CAMK2B: variants seen among roughly 807,000 people sequenced by gnomAD.
CAMK2B encodes the protein calcium/calmodulin-dependent protein kinase type II subunit beta.
In CAMK2B, 27 loss-of-function variants were observed where a neutral mutation model predicts 93.7. The ratio of observed to expected loss-of-function variants is 0.29; its 90% CI spans 0.21 to 0.40. CAMK2B has a LOEUF of 0.40. Among genes scored for constraint, CAMK2B ranks in the 10% least tolerant of loss-of-function variants. The pLI is 1.00. For missense variants in CAMK2B, 568 were observed against 895.8 expected, an observed-to-expected ratio of 0.63 and a Z score of 4.67; for synonymous variants, 374 against 358.8, an observed-to-expected ratio of 1.04 and a Z score of -0.48.
chr7:44,252,902 G>C (rs996018828), intron 5 of CAMK2B, among the ~76,000 whole-genome samples: 4 of 152,228 alleles, frequency 2.6e-5, no homozygotes, highest in Non-Finnish European at 5.9e-5. Context: ...GGCCTCTCCA[G>C]GCTGTTCTGC....
chr7:44,253,401 C>T (rs867593995), intron 5 of CAMK2B, among the ~76,000 whole-genome samples: 22 of 152,072 alleles, frequency 1.4e-4, no homozygotes, highest in Admixed American at 5.9e-4. Context: ...TTAGTAGAGA[C>T]GGGGTTTCTC....
At chr7:44,229,199 G>A (rs1583878481) in intron 18 of CAMK2B, 189 bp downstream of exon 18, 3 of 609,860 alleles carry the variant, frequency 4.9e-6, no homozygotes. Context: ...GTGGTCCAGG[G>A]CCCTCCTCAC....
intron 1 of CAMK2B, among the ~76,000 whole-genome samples, chr7:44,314,214 C>A (rs752268085): frequency 2.6e-5 from 4 of 152,062 alleles, no homozygotes; most frequent in Admixed American, 6.5e-5. Context: ...GTTGTATATC[C>A]ATTACCACAA....
rs762484384 is a variant in CAMK2B at position 44,258,904 on chromosome 7, G to A, written c.243C>T (p.Ser81=). 3.8e-5 allele frequency: 61 copies of A among 1,613,802 alleles called. No homozygotes were observed. Among genetic ancestry groups the A allele is most frequent in the Admixed American group, 1.7e-4 (10 of 60,010 alleles). ...SNIVRLHDSI[S]EEGFHYLVFD... ...AGACCAGGTAGTGGAAGCCCTCCTC[G>A]GAGATGCTGTCGTGGAGACGCACTG... Residue 81 remains serine (S), a synonymous_variant, in exon 4 of 24, where the codon TCC becomes TCT. Coordinates refer to ENST00000395749, the MANE Select transcript of CAMK2B (RefSeq NM_001220.5).
chr7:44,300,797 T>C (rs894460585), intron 1 of CAMK2B, among the ~76,000 whole-genome samples: 4 of 152,200 alleles, frequency 2.6e-5, no homozygotes, highest in Non-Finnish European at 5.9e-5. Context: ...CAGACATCTA[T>C]AGACTACTTC....
Position 44,224,376 on chromosome 7 carries a change from AC to A in CAMK2B, c.1597+2139del, listed in dbSNP as rs1383808238. Among the ~76,000 whole-genome samples the A allele has an allele frequency of 6.6e-6, 1 of 152,180 alleles. No individual in the cohort carries two copies. Among genetic ancestry groups the A allele is most frequent in the Non-Finnish European group, 1.5e-5 (1 of 68,014 alleles). ...GATGGAGGGAAAGGAGGGGGGCCCA[AC>A]ATGAAGAGGTGCCCGGGTCGGGAAA... On this transcript the variant is annotated intron_variant, in intron 20 of 23. Transcript: ENST00000395749. The surrounding 1 kb of genome is among the most constrained non-coding windows in gnomAD (Gnocchi z 4.4).
intron 2 of CAMK2B, among the ~76,000 whole-genome samples, chr7:44,270,348 TG>T (rs1479950950): frequency 1.3e-5 from 2 of 152,162 alleles, no homozygotes; most frequent in African/African-American, 4.8e-5. Flanking sequence ...AGCTGTGTAC[TG>T]TGCCAGCGTC....
At chr7:44,222,558 C>T (rs1385228402) in intron 20 of CAMK2B, among the ~76,000 whole-genome samples, 2 of 152,102 alleles carry the variant, frequency 1.3e-5, no homozygotes, top group Non-Finnish European at 2.9e-5. Context: ...GCCTCAGCCT[C>T]CCGAGTAGCT....
intron 6 of CAMK2B, among the ~76,000 whole-genome samples, chr7:44,243,899 G>C (rs568673555): frequency 1.5e-3 from 223 of 152,326 alleles, no homozygotes; most frequent in Middle Eastern, 3.4e-3. Context: ...ACAGCCCTGG[G>C]GCAGACTGTG....
Position 44,304,595 on chromosome 7 carries a change from T to C in CAMK2B, c.66-20370A>G, listed in dbSNP as rs930685328. ...AGACCAGTGACTGGCAGGGGTTGGG[T>C]GGAGGGAGAGACAAATAGGTGGAGC... On this transcript the variant is annotated intron_variant, in intron 1 of 23. Coordinates refer to ENST00000395749, the MANE Select transcript of CAMK2B (RefSeq NM_001220.5). Among the ~76,000 whole-genome samples the C allele has an allele frequency of 2.6e-5, 4 of 152,044 alleles. No homozygotes were observed. The East Asian group carries it at 5.8e-4, about 22-fold the overall frequency.
intron 2 of CAMK2B, among the ~76,000 whole-genome samples, chr7:44,264,949 C>G (rs772813694): frequency 1.2e-4 from 19 of 152,320 alleles, no homozygotes; most frequent in Admixed American, 3.3e-4. Flanking sequence ...CAAGGCCTGG[C>G]TCCAGTGGAA....
rs575223375 is a variant in CAMK2B at position 44,226,732 on chromosome 7, T to C, written c.1469-88A>G. Reference sequence around the variant, plus strand: ...CATGGGCAGACAGCCAAGCCAGAGATTGAGGGGCACAGAGGCAGATGTGGG... The same window carrying C: ...CATGGGCAGACAGCCAAGCCAGAGACTGAGGGGCACAGAGGCAGATGTGGG... On this transcript the variant is annotated intron_variant, in intron 19 of 23. Coordinates refer to ENST00000395749, the MANE Select transcript of CAMK2B (RefSeq NM_001220.5). 1.0e-5 allele frequency: 11 copies of C among 1,073,244 alleles called. No homozygotes were observed. In the East Asian group the frequency reaches 2.0e-4, roughly 19 times the overall value. 66.5% of individuals were successfully genotyped at this position (1,073,244 alleles called of 1,614,324 possible). A position where few individuals can be genotyped will look rare whatever the true frequency, so the allele number is the denominator to read the frequency against.
At chr7:44,259,041 G>T (rs1252979660) in intron 3 of CAMK2B, 115 bp from the exon 4 acceptor site, 1 of 955,846 alleles carries the variant, frequency 1.0e-6, no homozygotes, top group Admixed American at 2.0e-5. Context: ...GCTGCCCAGA[G>T]GATCGGGCTG....
At chr7:44,254,493 G>A in intron 5 of CAMK2B, 49 bp downstream of exon 5, 1 of 1,353,426 alleles carries the variant, frequency 7.4e-7, no homozygotes, top group Non-Finnish European at 1.1e-6. Flanking sequence ...GAGGGATGGT[G>A]AGGGTATAAA....
chr7:44,279,743 C>T (rs550281706), intron 2 of CAMK2B, among the ~76,000 whole-genome samples: 1 of 152,324 alleles, frequency 6.6e-6, no homozygotes, highest in South Asian at 2.1e-4. Flanking sequence ...TTCCCACTAC[C>T]CTAAATCCTT....
chr7:44,274,743 C>T (rs375509535), intron 2 of CAMK2B, among the ~76,000 whole-genome samples: 9 of 152,336 alleles, frequency 5.9e-5, no homozygotes, highest in African/African-American at 2.2e-4. Context: ...GAGCAAGGGG[C>T]GGTGAGCAGG....
intron 1 of CAMK2B, among the ~76,000 whole-genome samples, chr7:44,321,926 C>A (rs1053754343): frequency 4.6e-5 from 7 of 152,208 alleles, no homozygotes; most frequent in Non-Finnish European, 1.0e-4. Context: ...GGGAGAGTGG[C>A]GGCACCTGCA....
chr7:44,232,450 T>G (rs539066516), intron 16 of CAMK2B, among the ~76,000 whole-genome samples: 1 of 151,950 alleles, frequency 6.6e-6, no homozygotes, highest in South Asian at 2.1e-4. Flanking sequence ...GGGGGCCACG[T>G]GAGGGAGGTG....
At chr7:44,302,585 C>T (rs1790375430) in intron 1 of CAMK2B, among the ~76,000 whole-genome samples, 2 of 152,146 alleles carry the variant, frequency 1.3e-5, no homozygotes, top group Non-Finnish European at 2.9e-5. Flanking sequence ...CCCAGGTATG[C>T]AAGTCTTGTT....
Sources: gnomAD v4.1 joint callset for allele counts (sites outside exome capture counted in the v4.1 genomes callset) on GRCh38, gnomAD v4.1.1 for gene constraint, Gnocchi (gnomAD v3.1) non-coding constraint, MANE v1.5 for transcripts, NCBI Gene and HGNC (gene_info 2026-07-23, HGNC 2026-07-21) for gene names.